The following BBX variants were observed in gnomAD, a reference collection of about 807,000 sequenced individuals.
BBX encodes the protein HMG box transcription factor BBX.
Under a neutral mutation model 100.2 loss-of-function variants are expected in BBX, and 30 were observed. The observed-to-expected ratio is 0.30, with a 90% CI of 0.22 to 0.41. The LOEUF (loss-of-function observed/expected upper bound fraction) is 0.41. Ranked by LOEUF, BBX falls within the 10% of genes least tolerant of loss-of-function variation. The pLI, the probability that BBX is intolerant of heterozygous loss-of-function variation, is 1.00. For synonymous variants in BBX, 376 were observed against 388.1 expected (o/e 0.97, Z 0.37); for missense variants, 1,023 against 1,129.8 (o/e 0.91, Z 1.35).
chr3:107,534,709 T>C (rs1456936325), intron 2 of BBX, among the ~76,000 whole-genome samples: 2 of 152,246 alleles, frequency 1.3e-5, no homozygotes, highest in Non-Finnish European at 2.9e-5. Flanking sequence ...TTGAGACTTA[T>C]ACACATCCCT....
chr3:107,641,766 A>G (rs2057228976), intron 2 of BBX: 1 of 152,236 alleles, frequency 6.6e-6, no homozygotes, highest in Admixed American at 6.5e-5. Flanking sequence ...TTCCATTCTC[A>G]GTATAGCTGT....
Position 107,631,235 on chromosome 3 carries a change from T to A in BBX, c.-83-14601T>A, listed in dbSNP as rs1464718315. Among the ~76,000 whole-genome samples, 3 of 152,190 alleles carry A rather than the reference T, an allele frequency of 2.0e-5. No homozygotes were observed. In the East Asian group the frequency reaches 5.8e-4, roughly 29 times the overall value. On this transcript the variant is annotated intron_variant, in intron 2 of 17. Coordinates refer to ENST00000325805, the MANE Select transcript of BBX (RefSeq NM_001142568.3). ...CCAGCCTTCTAAGCCTTTGGGCTCA[T>A]TTTTAGGCTCATCCTAGGCACATCT...
intron 2 of BBX, among the ~76,000 whole-genome samples, chr3:107,531,930 CAT>C (rs1036874230): frequency 7.2e-5 from 11 of 152,240 alleles, no homozygotes; most frequent in African/African-American, 2.2e-4. Flanking sequence ...CGTCAAGACA[CAT>C]GTGTAATCCC....
intron 2 of BBX, among the ~76,000 whole-genome samples, chr3:107,584,672 CTTTTTTTTTTTTTTTTTTTTTT>C (rs58393281): frequency 0.049 from 1,397 of 28,414 alleles, 31 homozygotes; most frequent in Non-Finnish European, 0.064. Flanking sequence ...CCGTTGAAAT[CTTTTTTTTTTTTTTTTTTTTTT>C]TTTTTTTTTT....
chr3:107,592,486 T>G (rs893769751), intron 2 of BBX, among the ~76,000 whole-genome samples: 1 of 151,760 alleles, frequency 6.6e-6, no homozygotes, highest in Non-Finnish European at 1.5e-5. Context: ...TTGAACAGAA[T>G]GCTCAATCTT....
In BBX at chr3:107,805,797, A is replaced by C. The variant is rs2071025154; in HGVS notation, c.*340A>C. On this transcript the variant is annotated 3_prime_UTR_variant, in exon 18 of 18. Transcript: ENST00000325805. ...TCACCCAGCATCTCTTTTACCAACC[A>C]GAGAGTGTGAAACTAGTTTCATATA... is the stretch of plus-strand genomic sequence containing the variant. The C allele has an allele frequency of 3.1e-6, 1 of 327,050 alleles. No individual in the cohort carries two copies. The highest frequency in any genetic ancestry group is 5.6e-6 in the Non-Finnish European group (1 of 179,954). 20.3% of individuals were successfully genotyped at this position (327,050 alleles called of 1,614,324 possible). A position where few individuals can be genotyped will look rare whatever the true frequency, so the allele number is the denominator to read the frequency against.
chr3:107,529,904 G>A (rs2048041621), intron 2 of BBX, among the ~76,000 whole-genome samples: 1 of 151,700 alleles, frequency 6.6e-6, no homozygotes, highest in African/African-American at 2.4e-5. Context: ...AAAGAAGCAA[G>A]CCAGTAAAGA....
intron 2 of BBX, among the ~76,000 whole-genome samples, chr3:107,608,532 A>C (rs1246415329): frequency 6.6e-6 from 1 of 151,898 alleles, no homozygotes; most frequent in African/African-American, 2.4e-5. Flanking sequence ...GCTTAGGATG[A>C]GTTTGGCTAG....
At chr3:107,604,581 A>G (rs911713360) in intron 2 of BBX, among the ~76,000 whole-genome samples, 1 of 151,994 alleles carries the variant, frequency 6.6e-6, no homozygotes, top group Non-Finnish European at 1.5e-5. Context: ...TGTACATGAC[A>G]CTTCTGTTAT....
intron 2 of BBX, among the ~76,000 whole-genome samples, chr3:107,641,456 T>A (rs2057207874): frequency 6.6e-6 from 1 of 152,192 alleles, no homozygotes; most frequent in South Asian, 2.1e-4. Flanking sequence ...TGCAAATCTT[T>A]CATCTGCTGT....
intron 9 of BBX, among the ~76,000 whole-genome samples, chr3:107,753,956 A>G (rs917737610): frequency 6.6e-6 from 1 of 152,178 alleles, no homozygotes; most frequent in Non-Finnish European, 1.5e-5. Flanking sequence ...ATAAATCATT[A>G]TTAGTAATAA....
At chr3:107,529,129 ATG>A (rs1310900225) in intron 2 of BBX, among the ~76,000 whole-genome samples, 1 of 152,220 alleles carries the variant, frequency 6.6e-6, no homozygotes, top group African/African-American at 2.4e-5. Flanking sequence ...AGTATATAAA[ATG>A]TTGACAATTG....
intron 2 of BBX, among the ~76,000 whole-genome samples, chr3:107,584,186 AAT>A (rs1553735258): frequency 4.2e-5 from 1 of 23,978 alleles, no homozygotes; most frequent in Non-Finnish European, 7.4e-5. Flanking sequence ...TATTATATAT[AAT>A]ATATGATATA....
chr3:107,775,613 T>C (rs927976973), intron 12 of BBX, among the ~76,000 whole-genome samples: 1 of 152,132 alleles, frequency 6.6e-6, no homozygotes, highest in Non-Finnish European at 1.5e-5. Flanking sequence ...TGAATAGAAA[T>C]AAGTACATTG....
rs141251068 is a variant in BBX, at chr3:107,626,509, A to G, written c.-83-19327A>G. Among the ~76,000 whole-genome samples the G allele has an allele frequency of 9.3e-3, 1,421 of 152,278 alleles. 29 individuals carry two copies. The highest frequency in any genetic ancestry group is 0.033 in the African/African-American group (1,351 of 41,550). On this transcript the variant is annotated intron_variant, in intron 2 of 17. Transcript: ENST00000325805. ...GGGTATCTCATGAAGTACAGTCAAG[A>G]TGGTGGCTTAGGCTCTATTCATGGG... is the stretch of plus-strand genomic sequence containing the variant.
chr3:107,627,651 A>G lies in BBX; in HGVS notation c.-83-18185A>G, dbSNP rs567247724. Among the ~76,000 whole-genome samples the G allele has an allele frequency of 1.3e-3, 205 of 152,202 alleles. 2 individuals carry two copies. The highest frequency in any genetic ancestry group is 3.4e-3 in the Middle Eastern group (1 of 294). ...TATCATTTAAACTTTTACTTTCTCT[A>G]AGTTTAACTAGGTTCAATTTTTTTT... On this transcript the variant is annotated intron_variant, in intron 2 of 17. Transcript: ENST00000325805.
chr3:107,655,975 C>T (rs919556329), intron 3 of BBX, among the ~76,000 whole-genome samples: 1 of 152,156 alleles, frequency 6.6e-6, no homozygotes, highest in Non-Finnish European at 1.5e-5. Flanking sequence ...GCTGGGATTA[C>T]AGGCGTGAGC....
rs890015668 is a variant in BBX, at chr3:107,809,863, G to T, written c.*4406G>T. 1 of 152,118 alleles carries T rather than the reference G, an allele frequency of 6.6e-6. No homozygotes were observed. 9.4% of individuals were successfully genotyped at this position (152,118 alleles called of 1,614,324 possible). ...AAGCATTCCCAAAGAACTAGATTTG[G>T]ATTTTGTTTTGAGTTTTTGGATTTT... On this transcript the variant is annotated 3_prime_UTR_variant, in exon 18 of 18. Transcript: ENST00000325805.
At chr3:107,800,229 G>A (rs994681309) in intron 16 of BBX, among the ~76,000 whole-genome samples, 5 of 152,184 alleles carry the variant, frequency 3.3e-5, no homozygotes, top group Admixed American at 2.0e-4. Context: ...TAGCCCAGCA[G>A]TCCCCTCCCT....
Sources: gnomAD v4.1 joint callset for allele counts (sites outside exome capture counted in the v4.1 genomes callset) on GRCh38, gnomAD v4.1.1 for gene constraint, MANE v1.5 for transcripts, NCBI Gene and HGNC (gene_info 2026-07-23, HGNC 2026-07-21) for gene names.